Variants in ROBO2 observed in about 807,000 individuals in gnomAD.
ROBO2 encodes the protein roundabout homolog 2.
ROBO2 carries 53 observed loss-of-function variants against 160.8 expected under a neutral mutation model. The ratio of observed to expected loss-of-function variants is 0.33; its 90% CI spans 0.26 to 0.41. ROBO2 has a LOEUF of 0.41. Ranked by LOEUF, ROBO2 falls within the 10% of genes least tolerant of loss-of-function variation. ROBO2 has a pLI of 1.00. For synonymous variants in ROBO2, 664 were observed against 611.7 expected (o/e 1.09, Z -1.26); for missense variants, 1,577 against 1,722.4 (o/e 0.92, Z 1.49).
intron 2 of ROBO2, among the ~76,000 whole-genome samples, chr3:76,885,648 C>T (rs565443629): frequency 6.6e-6 from 1 of 152,222 alleles, no homozygotes; most frequent in African/African-American, 2.4e-5. Flanking sequence ...TGAATGCAAA[C>T]CACCCTTGAG....
chr3:77,594,857 A>T (rs576028863), intron 17 of ROBO2, among the ~76,000 whole-genome samples: 1 of 152,290 alleles, frequency 6.6e-6, no homozygotes, highest in African/African-American at 2.4e-5. Flanking sequence ...CACTATATAT[A>T]CTAATTGTAA....
At chr3:77,536,932 T>C (rs2153639197) in intron 6 of ROBO2, among the ~76,000 whole-genome samples, 1 of 152,304 alleles carries the variant, frequency 6.6e-6, no homozygotes, top group East Asian at 1.9e-4. Context: ...CAAGACATTT[T>C]GAACTGAGTT....
chr3:77,157,363 C>T (rs570740580), intron 2 of ROBO2, among the ~76,000 whole-genome samples: 8 of 152,014 alleles, frequency 5.3e-5, no homozygotes, highest in Non-Finnish European at 1.2e-4. Flanking sequence ...TCACTGTAAA[C>T]TATATTCAGC....
At chr3:76,886,262 A>G (rs1449306262) in intron 2 of ROBO2, among the ~76,000 whole-genome samples, 2 of 117,108 alleles carry the variant, frequency 1.7e-5, no homozygotes, top group Non-Finnish European at 3.5e-5. Context: ...CCAAAAAAAT[A>G]TATATATATA....
intron 2 of ROBO2, among the ~76,000 whole-genome samples, chr3:76,406,467 A>T (rs2108797364): frequency 6.6e-6 from 1 of 151,568 alleles, no homozygotes; most frequent in East Asian, 1.9e-4. Flanking sequence ...TTCATATTCC[A>T]TTTTTTTTCC....
intron 2 of ROBO2, among the ~76,000 whole-genome samples, chr3:76,211,717 T>G (rs1323338666): frequency 6.6e-6 from 1 of 152,080 alleles, no homozygotes; most frequent in African/African-American, 2.4e-5. Context: ...AGTGTATACA[T>G]TTTTTGTACA....
chr3:77,206,452 C>T (rs1388537169), intron 2 of ROBO2, among the ~76,000 whole-genome samples: 1 of 151,974 alleles, frequency 6.6e-6, no homozygotes, highest in Non-Finnish European at 1.5e-5. Context: ...ACAGGGTGAG[C>T]CACCGTGCCC....
intron 2 of ROBO2, among the ~76,000 whole-genome samples, chr3:77,132,682 C>A (rs556759292): frequency 8.7e-4 from 131 of 150,898 alleles, no homozygotes; most frequent in African/African-American, 3.0e-3. Context: ...GTCACTACAT[C>A]TCTTTTGGCC....
intron 2 of ROBO2, among the ~76,000 whole-genome samples, chr3:76,770,886 A>T (rs571055521): frequency 6.6e-6 from 1 of 151,204 alleles, no homozygotes; most frequent in Non-Finnish European, 1.5e-5. Flanking sequence ...TAAAAGAAGG[A>T]TGCTCCGATA....
At chr3:76,940,329 A>G (rs1002592503) in intron 2 of ROBO2, among the ~76,000 whole-genome samples, 11 of 152,144 alleles carry the variant, frequency 7.2e-5, no homozygotes, top group African/African-American at 1.9e-4. Context: ...ATAGACTTTT[A>G]AGTGTTTGTG....
At chr3:77,180,509 C>T (rs1220425362) in intron 2 of ROBO2, among the ~76,000 whole-genome samples, 4 of 144,834 alleles carry the variant, frequency 2.8e-5, no homozygotes, top group African/African-American at 1.0e-4. Context: ...GATCTCGGCT[C>T]ACTGCAACCT....
intron 2 of ROBO2, among the ~76,000 whole-genome samples, chr3:76,126,662 G>A (rs1516460): frequency 0.97 from 147,440 of 152,166 alleles, 71,601 homozygotes; most frequent in East Asian, 1. Flanking sequence ...AAATATATAA[G>A]TAAAAATAGA....
Position 77,079,499 on chromosome 3 carries a change from T to A in ROBO2, c.62-18515T>A, listed in dbSNP as rs193189106. Among the ~76,000 whole-genome samples the A allele has an allele frequency of 7.1e-3, 1,077 of 152,278 alleles. 13 individuals are homozygous for A. Among genetic ancestry groups the A allele is most frequent in the South Asian group, 0.053 (254 of 4,820 alleles). The stretch of plus-strand genomic sequence containing the variant: ...TGAATATTTCTATTTGATGGTGACT[T>A]CGAATTTGAGAAAAACCCCACAAAA... On this transcript the variant is annotated intron_variant, in intron 1 of 25. Coordinates refer to ENST00000461745, the Ensembl canonical transcript of ROBO2.
intron 2 of ROBO2, among the ~76,000 whole-genome samples, chr3:77,289,302 T>A (rs957921136): frequency 6.6e-6 from 1 of 151,980 alleles, no homozygotes; most frequent in Admixed American, 6.6e-5. Context: ...GACGGTTAAA[T>A]GGGTAAGCTG....
chr3:75,970,635 G>C (rs781467537), intron 2 of ROBO2, among the ~76,000 whole-genome samples: 1 of 151,524 alleles, frequency 6.6e-6, no homozygotes, highest in Non-Finnish European at 1.5e-5. Flanking sequence ...TACATTACAA[G>C]ACTATAATGT....
At chr3:76,708,475 A>T (rs2093217748) in intron 2 of ROBO2, among the ~76,000 whole-genome samples, 1 of 152,180 alleles carries the variant, frequency 6.6e-6, no homozygotes, top group East Asian at 1.9e-4. Context: ...ATTTTGCTCT[A>T]CTTGAATCAT....
intron 2 of ROBO2, among the ~76,000 whole-genome samples, chr3:77,195,010 A>C (rs931098560): frequency 6.6e-6 from 1 of 152,130 alleles, no homozygotes; most frequent in African/African-American, 2.4e-5. Flanking sequence ...CATGTTGGAA[A>C]TGGCAGTAAA....
intron 2 of ROBO2, among the ~76,000 whole-genome samples, chr3:76,716,769 G>A (rs1340156534): frequency 6.6e-6 from 1 of 152,302 alleles, no homozygotes; most frequent in African/African-American, 2.4e-5. Context: ...CTCAGATGTT[G>A]TGTGTACTTA....
chr3:77,433,503 T>TATATAG (rs2078996772), intron 2 of ROBO2, among the ~76,000 whole-genome samples: 1 of 111,440 alleles, frequency 9.0e-6, no homozygotes, highest in East Asian at 2.2e-4. Flanking sequence ...TATATATATA[T>TATATAG]ATATATATAT....
Sources: allele counts gnomAD v4.1 joint callset (sites outside exome capture counted in the v4.1 genomes callset), GRCh38; gene constraint gnomAD v4.1.1; transcripts MANE v1.5; gene names NCBI Gene and HGNC (gene_info 2026-07-23, HGNC 2026-07-21).